The following SLC36A3 variants were observed in gnomAD, a reference collection of about 807,000 sequenced individuals.
The protein encoded by SLC36A3 is solute carrier family 36 member 3.
SLC36A3 carries 35 observed loss-of-function variants against 44.3 expected under a neutral mutation model. That is an observed-to-expected ratio of 0.79 (90% CI 0.60 to 1.05). SLC36A3 has a LOEUF of 1.05. SLC36A3 is among the 50% of genes least tolerant of loss of function. SLC36A3 has a pLI of 0.00. For missense variants in SLC36A3, 540 were observed against 578.7 expected, an observed-to-expected ratio of 0.93 and a Z score of 0.69; for synonymous variants, 211 against 227.6, an observed-to-expected ratio of 0.93 and a Z score of 0.66.
In SLC36A3 at chr5:151,284,229, G is replaced by C. The variant is rs1464568575; in HGVS notation, c.808-19C>G. The C allele has an allele frequency of 1.3e-6, 2 of 1,584,912 alleles. No homozygotes were observed. The highest frequency in any genetic ancestry group is 1.7e-6 in the Non-Finnish European group (2 of 1,169,682). The stretch of plus-strand genomic sequence containing the variant: ...GCAGAACCTGGAGGGAAAAAAAAAA[G>C]TTGGGAAAGAAAAGGTAGAAAGAGA... On this transcript the variant is annotated intron_variant, in intron 7 of 9. Transcript: ENST00000335230.
intron 4 of SLC36A3, 89 bp from the exon 5 acceptor site, chr5:151,288,559 T>C (rs1412275682): frequency 2.0e-5 from 21 of 1,062,918 alleles, no homozygotes; most frequent in Non-Finnish European, 2.6e-5. Context: ...ACAATTATTT[T>C]TGTTATTATT....
intron 1 of SLC36A3, among the ~76,000 whole-genome samples, chr5:151,300,700 G>T (rs574054086): frequency 1.3e-5 from 2 of 152,262 alleles, no homozygotes; most frequent in African/African-American, 4.8e-5. Context: ...AGCATAAATA[G>T]ATGTTGCAAG....
chr5:151,302,527 C>CA (rs1755197044), intron 1 of SLC36A3, among the ~76,000 whole-genome samples: 1 of 134,086 alleles, frequency 7.5e-6, no homozygotes, highest in Admixed American at 8.6e-5. Flanking sequence ...ACAATGAGAA[C>CA]ACATGGACAC....
intron 2 of SLC36A3, chr5:151,297,783 T>C (rs1002054572): frequency 2.9e-4 from 44 of 152,014 alleles, no homozygotes; most frequent in African/African-American, 8.9e-4. Flanking sequence ...GCCAACATGA[T>C]GAAAACCTCT....
chr5:151,299,892 G>A (rs555542059), intron 1 of SLC36A3, among the ~76,000 whole-genome samples: 20 of 152,274 alleles, frequency 1.3e-4, no homozygotes, highest in African/African-American at 4.6e-4. Flanking sequence ...CATCATCATC[G>A]TCATATCATT....
At chr5:151,291,810 C>T (rs1049606297) in intron 4 of SLC36A3, among the ~76,000 whole-genome samples, 1 of 152,146 alleles carries the variant, frequency 6.6e-6, no homozygotes, top group Non-Finnish European at 1.5e-5. Flanking sequence ...CCTCTAACAG[C>T]TTGAGCATCC....
At chr5:151,284,532 T>G (rs532284868) in intron 7 of SLC36A3, 81 bp downstream of exon 7, 1 of 1,092,992 alleles carries the variant, frequency 9.1e-7, no homozygotes, top group Non-Finnish European at 1.3e-6. Flanking sequence ...TCATAAATAC[T>G]ATTTATTCAG....
intron 5 of SLC36A3, among the ~76,000 whole-genome samples, chr5:151,287,758 C>A (rs1410933353): frequency 6.6e-6 from 1 of 152,138 alleles, no homozygotes; most frequent in Non-Finnish European, 1.5e-5. Flanking sequence ...CTACTCAAAC[C>A]TTTTCTTCTC....
chr5:151,289,495 C>CA (rs34426580), intron 4 of SLC36A3, among the ~76,000 whole-genome samples: 56,494 of 142,904 alleles, frequency 0.4, 10,992 homozygotes, highest in Admixed American at 0.49. Context: ...GAATCTGCCT[C>CA]AAAAAAAAAA....
At chr5:151,286,757 G>A (rs1754549523) in intron 6 of SLC36A3, among the ~76,000 whole-genome samples, 2 of 152,112 alleles carry the variant, frequency 1.3e-5, no homozygotes, top group South Asian at 4.1e-4. Context: ...GTATTGCGAA[G>A]GTTCAATAAG....
chr5:151,285,715 G>A (rs898587412), intron 6 of SLC36A3, among the ~76,000 whole-genome samples: 16 of 152,070 alleles, frequency 1.1e-4, no homozygotes, highest in African/African-American at 2.4e-4. Context: ...TGGATTATTC[G>A]GGTGGGACAA....
chr5:151,298,632 G>C lies in SLC36A3; in HGVS notation c.180C>G (p.Leu60=), dbSNP rs770324432. Residue 60 remains leucine (L), a synonymous_variant, in exon 2 of 10, where the codon CTC becomes CTG. Coordinates refer to ENST00000335230, the MANE Select transcript of SLC36A3 (RefSeq NM_181774.4). ...HLLKCNIGTG[L]LGLPLAIKNA... ...TCTTTATGGCCAGGGGAAGCCCCAGGAGCCCTGTGCCAATGTTGCATTTCA... is the reference window on the plus strand; with the variant it reads ...TCTTTATGGCCAGGGGAAGCCCCAGCAGCCCTGTGCCAATGTTGCATTTCA... 1 of 1,614,220 alleles carries C rather than the reference G, an allele frequency of 6.2e-7. No homozygotes were observed. The highest frequency in any genetic ancestry group is 8.5e-7 in the Non-Finnish European group (1 of 1,180,034).
intron 4 of SLC36A3, among the ~76,000 whole-genome samples, chr5:151,291,141 C>T (rs915158774): frequency 6.6e-6 from 1 of 151,900 alleles, no homozygotes; most frequent in Admixed American, 6.6e-5. Context: ...TGCTACCAGG[C>T]CTGGCTATTT....
At chr5:151,278,487 A>G (rs1754185982) in intron 9 of SLC36A3, among the ~76,000 whole-genome samples, 1 of 152,314 alleles carries the variant, frequency 6.6e-6, no homozygotes, top group African/African-American at 2.4e-5. Flanking sequence ...GATGTATACT[A>G]TGTGTATGTA....
intron 1 of SLC36A3, 132 bp from the exon 2 acceptor site, chr5:151,298,815 G>C: frequency 1.3e-6 from 1 of 753,010 alleles, no homozygotes; most frequent in South Asian, 1.7e-5. Context: ...GGTGGACTTG[G>C]AGACAACTCT....
chr5:151,277,527 C>T lies in SLC36A3; in HGVS notation c.1279G>A (p.Val427Ile), dbSNP rs776172852. The T allele has an allele frequency of 7.4e-6, 12 of 1,614,068 alleles. No individual in the cohort carries two copies. The East Asian group carries it at 2.4e-4, about 33-fold the overall frequency. The change falls in exon 10 of 10, where the codon GTC becomes ATC. Residue 427 changes from valine (V) to isoleucine (I), a missense_variant. By Grantham distance (29) the Val-to-Ile change is conservative. Coordinates refer to ENST00000335230, the MANE Select transcript of SLC36A3 (RefSeq NM_181774.4). ...VIFYSEDMSCVTIAKDIMISI... is the reference protein window; with the variant it reads ...VIFYSEDMSCITIAKDIMISI... ...ATCATGATGTCCTTGGCAATGGTGA[C>T]ACAGCTCATGTCCTCAGAGTAAAAG...
intron 4 of SLC36A3, among the ~76,000 whole-genome samples, chr5:151,292,679 G>C (rs564244680): frequency 6.6e-6 from 1 of 152,210 alleles, no homozygotes; most frequent in African/African-American, 2.4e-5. Flanking sequence ...GGAACACTGT[G>C]AGCCTTAAAA....
chr5:151,295,922 C>G (rs774590219), intron 3 of SLC36A3, among the ~76,000 whole-genome samples: 2 of 152,186 alleles, frequency 1.3e-5, no homozygotes, highest in Non-Finnish European at 2.9e-5. Context: ...ACTTTCGATG[C>G]TTTCAGTTAA....
Position 151,288,551 on chromosome 5 carries a change from A to G in SLC36A3, c.405-81T>C, listed in dbSNP as rs976243023. ...CTTAAGAATGTTTACTATTTGAAAC[A>G]ATTATTTTTGTTATTATTTTTAAAA... On this transcript the variant is annotated intron_variant, in intron 4 of 9. Transcript: ENST00000335230. 3.7e-6 allele frequency: 4 copies of G among 1,086,108 alleles called. No homozygotes were observed. The African/African-American group carries it at 4.9e-5, about 13-fold the overall frequency. The allele number at this position is 1,086,108 out of a possible 1,614,324, so 67.3% of individuals were successfully genotyped here.
Sources: allele counts gnomAD v4.1 joint callset (sites outside exome capture counted in the v4.1 genomes callset), GRCh38; gene constraint gnomAD v4.1.1; transcripts MANE v1.5; gene names NCBI Gene and HGNC (gene_info 2026-07-23, HGNC 2026-07-21).